VPS53: variants seen among roughly 807,000 people sequenced by gnomAD.
The protein encoded by VPS53 is VPS53 subunit of GARP complex, also known as vacuolar protein sorting-associated protein 53 homolog.
VPS53 carries 70 observed loss-of-function variants against 107.0 expected under a neutral mutation model. The observed-to-expected ratio is 0.65, with a 90% CI of 0.54 to 0.80. The LOEUF (loss-of-function observed/expected upper bound fraction) is 0.80. Ranked by LOEUF, VPS53 falls within the 30% of genes least tolerant of loss-of-function variation. The pLI is 0.00. For synonymous variants in VPS53, 409 were observed against 393.3 expected, an observed-to-expected ratio of 1.04 and a Z score of -0.47; for missense variants, 917 against 1,049.4, an observed-to-expected ratio of 0.87 and a Z score of 1.74.
At chr17:570,325 G>A (rs1354041176) in intron 13 of VPS53, among the ~76,000 whole-genome samples, 1 of 132,860 alleles carries the variant, frequency 7.5e-6, no homozygotes, top group African/African-American at 2.8e-5. Flanking sequence ...AGTGGAGATC[G>A]CACCACTGCA....
chr17:561,932 T>C (rs1192263446), intron 14 of VPS53, among the ~76,000 whole-genome samples: 5 of 152,166 alleles, frequency 3.3e-5, no homozygotes, highest in Non-Finnish European at 7.3e-5. Context: ...TGTCCAGTTC[T>C]AATGCCTCAG....
intron 17 of VPS53, among the ~76,000 whole-genome samples, chr17:540,861 G>T (rs570240849): frequency 6.6e-6 from 1 of 152,146 alleles, no homozygotes; most frequent in African/African-American, 2.4e-5. Context: ...GGAAGTATGT[G>T]CTCTGACTGA....
At position 669,592 on chromosome 17, in the gene VPS53, T is replaced by TAAAAAAAAAAA. The variant is rs200157618; in HGVS notation, c.286-7708_286-7698dup. Among the ~76,000 whole-genome samples the TAAAAAAAAAAA allele has an allele frequency of 1.9e-4, 21 of 110,272 alleles. 1 individual carries two copies. The highest frequency in any genetic ancestry group is 8.6e-4 in the East Asian group (3 of 3,502). 72.3% of individuals were successfully genotyped at this position (110,272 alleles called of 152,430 possible). On this transcript the variant is annotated intron_variant, in intron 4 of 21. Transcript: ENST00000437048. ...TGGGTGACAGAGACATACTCTGTCT[T>TAAAAAAAAAAA]AAAAAAAAAAAAAAAATTAGGCCAG... is the stretch of plus-strand genomic sequence containing the variant.
At position 714,811 on chromosome 17, in the gene VPS53, G is replaced by A. The variant is rs371933423; in HGVS notation, c.-102C>T. 1.9e-5 allele frequency: 25 copies of A among 1,334,754 alleles called. No individual in the cohort carries two copies. Among genetic ancestry groups the A allele is most frequent in the South Asian group, 3.5e-5 (3 of 84,970 alleles). 82.7% of individuals were successfully genotyped at this position (1,334,754 alleles called of 1,614,324 possible). A position where few individuals can be genotyped will look rare whatever the true frequency, so the allele number is the denominator to read the frequency against. On this transcript the variant is annotated 5_prime_UTR_variant, in exon 1 of 22. Transcript: ENST00000437048. The stretch of plus-strand genomic sequence containing the variant: ...GCAACTCCCTCGCGGCAGCGACCTG[G>A]TGAGCCCGGCTCCGTCAGCCGCTCT...
At chr17:634,398 T>G (rs1970101289) in intron 7 of VPS53, among the ~76,000 whole-genome samples, 1 of 151,928 alleles carries the variant, frequency 6.6e-6, no homozygotes, top group African/African-American at 2.4e-5. Flanking sequence ...TACACCTTAT[T>G]TTTTTTTATT....
chr17:516,245 T>G lies in VPS53; in HGVS notation c.*2883A>C, dbSNP rs1388935203. 6.6e-6 allele frequency: 1 copy of G among 152,120 alleles called. No homozygotes were observed. The highest frequency in any genetic ancestry group is 1.5e-5 in the Non-Finnish European group (1 of 68,026). The allele number at this position is 152,120 out of a possible 1,614,324, so 9.4% of individuals were successfully genotyped here. ...AAAATGCGTGGCAGGAGCCCTTCCA[T>G]AAAGCAAATCTCTCTGTTGCAGTGG... On this transcript the variant is annotated 3_prime_UTR_variant, in exon 22 of 22. Transcript: ENST00000437048.
At chr17:682,357 G>A (rs1360520614) in intron 4 of VPS53, among the ~76,000 whole-genome samples, 3 of 152,178 alleles carry the variant, frequency 2.0e-5, no homozygotes, top group Middle Eastern at 3.4e-3. Flanking sequence ...GGAGGAAAAC[G>A]GAAACTGAAA....
At chr17:599,679 C>T (rs1968230938) in intron 12 of VPS53, among the ~76,000 whole-genome samples, 1 of 150,312 alleles carries the variant, frequency 6.7e-6, no homozygotes, top group Non-Finnish European at 1.5e-5. Flanking sequence ...TATCTGCTGA[C>T]CTTCCCTCCA....
At chr17:603,990 CT>C (rs555154544) in intron 11 of VPS53, among the ~76,000 whole-genome samples, 233 of 152,258 alleles carry the variant, frequency 1.5e-3, no homozygotes, top group African/African-American at 4.0e-3. Flanking sequence ...TCTTTTGGTC[CT>C]TTGTAGATAT....
At chr17:619,338 A>G (rs1489303180) in intron 11 of VPS53, among the ~76,000 whole-genome samples, 28 of 146,452 alleles carry the variant, frequency 1.9e-4, no homozygotes, top group African/African-American at 6.1e-4. Flanking sequence ...CGCCCCGCTA[A>G]TATTTCCCGG....
At chr17:712,913 ATG>A (rs1973696091) in intron 1 of VPS53, among the ~76,000 whole-genome samples, 1 of 152,192 alleles carries the variant, frequency 6.6e-6, no homozygotes. Flanking sequence ...CAGAAATGTT[ATG>A]TCTTTTTCTG....
At chr17:673,527 C>G (rs1226363304) in intron 4 of VPS53, among the ~76,000 whole-genome samples, 8 of 152,240 alleles carry the variant, frequency 5.3e-5, no homozygotes, top group Admixed American at 4.6e-4. Context: ...TCAACAGCAG[C>G]AGAGGCTGTC....
chr17:630,181 C>T (rs1442246906), intron 8 of VPS53, among the ~76,000 whole-genome samples: 2 of 151,980 alleles, frequency 1.3e-5, no homozygotes, highest in Non-Finnish European at 2.9e-5. Context: ...GTAATCCCAG[C>T]TATTTGGGAG....
At chr17:609,899 G>C (rs1184746819) in intron 11 of VPS53, among the ~76,000 whole-genome samples, 1 of 152,082 alleles carries the variant, frequency 6.6e-6, no homozygotes, top group African/African-American at 2.4e-5. Flanking sequence ...GGAGGCCGAG[G>C]TGGGCGGATC....
chr17:532,445 A>C (rs986990420), intron 19 of VPS53: 1 of 169,486 alleles, frequency 5.9e-6, no homozygotes, highest in African/African-American at 2.4e-5. Flanking sequence ...TTTTTAGTAG[A>C]GATGGGATTT....
At chr17:699,414 G>T (rs763048406) in intron 2 of VPS53, 34 bp from the exon 3 acceptor site, 1 of 1,511,922 alleles carries the variant, frequency 6.6e-7, no homozygotes, top group Non-Finnish European at 8.8e-7. Context: ...CCAGCTGTTA[G>T]TCCACTTCCT....
intron 4 of VPS53, among the ~76,000 whole-genome samples, chr17:696,538 C>T (rs781554786): frequency 2.6e-5 from 4 of 152,146 alleles, no homozygotes; most frequent in East Asian, 1.9e-4. Context: ...CAAGAGAGGA[C>T]GGCTAGAAAG....
chr17:676,367 G>C (rs1409163099), intron 4 of VPS53: 1 of 152,170 alleles, frequency 6.6e-6, no homozygotes, highest in Non-Finnish European at 1.5e-5. Flanking sequence ...AATCCAGAAG[G>C]CTTTGCTCTG....
At chr17:572,422 G>A (rs1288704428) in intron 13 of VPS53, among the ~76,000 whole-genome samples, 1 of 148,602 alleles carries the variant, frequency 6.7e-6, no homozygotes, top group Non-Finnish European at 1.5e-5. Context: ...GGGGGGGTCA[G>A]CCCCCCGCCC....
Sources: allele counts gnomAD v4.1 joint callset (sites outside exome capture counted in the v4.1 genomes callset), GRCh38; gene constraint gnomAD v4.1.1; transcripts MANE v1.5; gene names NCBI Gene and HGNC (gene_info 2026-07-23, HGNC 2026-07-21).